The following IQCK variants were observed in gnomAD, a reference collection of about 807,000 sequenced individuals.
IQCK encodes IQ motif containing K, also known as IQ domain-containing protein K.
A neutral mutation model predicts 28.1 loss-of-function variants in IQCK; 29 were observed. The ratio of observed to expected loss-of-function variants is 1.03; its 90% confidence interval spans 0.77 to 1.41. The LOEUF (loss-of-function observed/expected upper bound fraction) is 1.41, where lower values mean the gene tolerates loss of function less well. IQCK is among the 40% of genes most tolerant of loss of function. IQCK has a pLI of 0.00. For synonymous variants in IQCK, 113 were observed against 115.1 expected (o/e 0.98, Z 0.12); for missense variants, 359 against 314.7 (o/e 1.14, Z -1.07).
chr16:19,854,384 G>T (rs1567203625), intron 9 of IQCK, among the ~76,000 whole-genome samples: 1 of 150,610 alleles, frequency 6.6e-6, no homozygotes, highest in Non-Finnish European at 1.5e-5. Context: ...TCCCCCTATT[G>T]CAAATGTCCC....
intron 6 of IQCK, among the ~76,000 whole-genome samples, chr16:19,765,335 C>G (rs189328944): frequency 6.6e-6 from 1 of 151,400 alleles, no homozygotes; most frequent in Admixed American, 6.6e-5. Flanking sequence ...GTCAGGAGTT[C>G]GAGACCAGCC....
intron 1 of IQCK, among the ~76,000 whole-genome samples, chr16:19,721,814 G>A (rs1977504201): frequency 6.6e-6 from 1 of 152,132 alleles, no homozygotes. Context: ...CTGACCTCAA[G>A]CAGTCAGCCC....
At chr16:19,756,110 G>C (rs999689753) in intron 4 of IQCK, among the ~76,000 whole-genome samples, 5 of 152,168 alleles carry the variant, frequency 3.3e-5, no homozygotes, top group Admixed American at 1.3e-4. Context: ...CTTGAATCTG[G>C]GAAGTTGAGG....
chr16:19,824,198 C>T (rs1307968164), intron 7 of IQCK, among the ~76,000 whole-genome samples: 2 of 152,120 alleles, frequency 1.3e-5, no homozygotes, highest in East Asian at 1.9e-4. Flanking sequence ...TGTTTTCCTG[C>T]AACTAAGTGG....
chr16:19,823,579 C>G (rs1351960644), intron 7 of IQCK, among the ~76,000 whole-genome samples: 3 of 152,186 alleles, frequency 2.0e-5, no homozygotes, highest in Non-Finnish European at 4.4e-5. Context: ...TGCCCCAGTT[C>G]TGCATGCTCA....
chr16:19,729,121 T>TA (rs1977749834), intron 1 of IQCK, among the ~76,000 whole-genome samples: 1 of 152,210 alleles, frequency 6.6e-6, no homozygotes, highest in African/African-American at 2.4e-5. Context: ...CTGTAGAACT[T>TA]ACGTGGACTG....
intron 1 of IQCK, among the ~76,000 whole-genome samples, chr16:19,726,752 A>G (rs1378591831): frequency 6.6e-6 from 1 of 152,194 alleles, no homozygotes; most frequent in South Asian, 2.1e-4. Flanking sequence ...CCATTCGTTC[A>G]TTCATTCAGC....
At chr16:19,849,392 C>T (rs984647955) in intron 9 of IQCK, among the ~76,000 whole-genome samples, 3 of 151,386 alleles carry the variant, frequency 2.0e-5, no homozygotes, top group African/African-American at 7.3e-5. Context: ...AAAATCTCAC[C>T]CAAGAATGAA....
At chr16:19,840,341 G>A (rs2056350803) in intron 9 of IQCK, among the ~76,000 whole-genome samples, 1 of 152,088 alleles carries the variant, frequency 6.6e-6, no homozygotes, top group Middle Eastern at 3.2e-3. Context: ...GGGCGACAGA[G>A]CGAGACTCCG....
downstream of IQCK, among the ~76,000 whole-genome samples, chr16:19,830,050 T>C (rs146113973): frequency 4.2e-4 from 63 of 151,496 alleles, no homozygotes; most frequent in Admixed American, 1.4e-3. Flanking sequence ...AATGAATGAA[T>C]GGAGCTGTGA....
rs1398827955 is a variant in IQCK at position 19,729,934 on chromosome 16, A to G, written c.182-496A>G. Among the ~76,000 whole-genome samples the G allele has an allele frequency of 2.0e-5, 3 of 150,728 alleles. No homozygotes were observed. The East Asian group carries it at 6.0e-4, about 30-fold the overall frequency. ...GTTGGGATTACAGGCGTGAGCCACCACGCCCGGCCTATTTTATTTTATTAA... is the reference window on the plus strand; with the variant it reads ...GTTGGGATTACAGGCGTGAGCCACCGCGCCCGGCCTATTTTATTTTATTAA... On this transcript the variant is annotated intron_variant, in intron 1 of 7. Coordinates refer to ENST00000564186, the Ensembl canonical transcript of IQCK.
intron 4 of IQCK, among the ~76,000 whole-genome samples, chr16:19,759,491 A>G (rs2055105942): frequency 6.6e-6 from 1 of 152,180 alleles, no homozygotes; most frequent in South Asian, 2.1e-4. Context: ...TTACAGGTGT[A>G]AGCCACCATG....
intron 1 of IQCK, among the ~76,000 whole-genome samples, chr16:19,727,800 G>A (rs1183157039): frequency 1.3e-5 from 2 of 152,008 alleles, no homozygotes; most frequent in Admixed American, 1.3e-4. Flanking sequence ...CCACACTATA[G>A]CAATGGTTCC....
intron 4 of IQCK, among the ~76,000 whole-genome samples, chr16:19,745,711 T>G (rs998954554): frequency 6.6e-6 from 1 of 152,242 alleles, no homozygotes; most frequent in African/African-American, 2.4e-5. Flanking sequence ...TTATTTTTCA[T>G]GACTCTGGGC....
At chr16:19,745,747 C>T (rs1463036637) in intron 4 of IQCK, among the ~76,000 whole-genome samples, 1 of 152,182 alleles carries the variant, frequency 6.6e-6, no homozygotes, top group African/African-American at 2.4e-5. Flanking sequence ...GGTGCTCTCT[C>T]CTGGGGTCAC....
intron 6 of IQCK, among the ~76,000 whole-genome samples, chr16:19,770,806 A>G (rs1421254225): frequency 6.6e-6 from 1 of 151,996 alleles, no homozygotes; most frequent in Non-Finnish European, 1.5e-5. Flanking sequence ...TATTTTTAGT[A>G]GAGACAGGGT....
At chr16:19,830,496 G>A (rs143736572), downstream of IQCK, among the ~76,000 whole-genome samples, 118 of 152,268 alleles carry the variant, frequency 7.7e-4, no homozygotes, top group Non-Finnish European at 1.4e-3. Context: ...GGAGTGAGCC[G>A]TGCTTTCCAA....
intron 9 of IQCK, among the ~76,000 whole-genome samples, chr16:19,837,866 G>A (rs1031458355): frequency 2.0e-5 from 3 of 152,168 alleles, no homozygotes; most frequent in African/African-American, 7.2e-5. Flanking sequence ...TTAGCTACAA[G>A]ATCCCAGTAA....
intron 9 of IQCK, among the ~76,000 whole-genome samples, chr16:19,839,641 ATCTGT>A (rs2056342385): frequency 6.6e-6 from 1 of 152,098 alleles, no homozygotes. Context: ...GAATGAATGG[ATCTGT>A]GTTACATAAC....
Sources: allele counts gnomAD v4.1 joint callset (sites outside exome capture counted in the v4.1 genomes callset), GRCh38; gene constraint gnomAD v4.1.1; transcripts MANE v1.5; gene names NCBI Gene and HGNC (gene_info 2026-07-23, HGNC 2026-07-21).